Variants in LRRC4C observed in about 807,000 individuals in gnomAD.
LRRC4C encodes the protein leucine-rich repeat-containing protein 4C.
A neutral mutation model predicts 33.6 loss-of-function variants in LRRC4C; 5 were observed. The observed-to-expected ratio is 0.15, with a 90% CI of 0.08 to 0.31. The LOEUF (loss-of-function observed/expected upper bound fraction) is 0.31, where lower values mean the gene tolerates loss of function less well. Ranked by LOEUF, LRRC4C falls within the 10% of genes least tolerant of loss-of-function variation. The pLI, the probability that LRRC4C is intolerant of heterozygous loss-of-function variation, is 1.00. For missense variants in LRRC4C, 560 were observed against 796.7 expected (o/e 0.70, Z 3.58); for synonymous variants, 329 against 302.0 (o/e 1.09, Z -0.93).
chr11:40,272,773 T>C (rs1942804758), intron 4 of LRRC4C, among the ~76,000 whole-genome samples: 2 of 152,096 alleles, frequency 1.3e-5, no homozygotes, highest in Non-Finnish European at 2.9e-5. Flanking sequence ...GCATGTCTTA[T>C]TATAAAAGCA....
intron 1 of LRRC4C, among the ~76,000 whole-genome samples, chr11:41,295,668 T>C (rs1199576031): frequency 1.3e-5 from 2 of 152,172 alleles, no homozygotes; most frequent in African/African-American, 2.4e-5. Context: ...CTTCATGACT[T>C]TCAAGCCTTC....
At chr11:40,499,590 T>A (rs1273735087) in intron 3 of LRRC4C, among the ~76,000 whole-genome samples, 1 of 152,212 alleles carries the variant, frequency 6.6e-6, no homozygotes, top group Non-Finnish European at 1.5e-5. Context: ...AAAAATGTTC[T>A]CAATATCTAA....
chr11:40,885,518 C>T lies in LRRC4C; in HGVS notation c.-407+48117G>A, dbSNP rs76770329. Among the ~76,000 whole-genome samples, 527 of 152,128 alleles carry T rather than the reference C, an allele frequency of 3.5e-3. 2 individuals are homozygous for T. Among genetic ancestry groups the T allele is most frequent in the Admixed American group, 6.0e-3 (92 of 15,258 alleles). On this transcript the variant is annotated intron_variant, in intron 2 of 6. Transcript: ENST00000528697. ...ATAGTTCATCCATTTTCATCCTCTG[C>T]TATATAAGCTCTGTAATGATTTGAG...
intron 1 of LRRC4C, among the ~76,000 whole-genome samples, chr11:41,402,019 A>G (rs185454825): frequency 2.0e-5 from 3 of 152,148 alleles, no homozygotes; most frequent in Admixed American, 6.6e-5. Flanking sequence ...TGGAATAGGT[A>G]CCACATTAAA....
chr11:41,114,251 T>C (rs1449071774), intron 1 of LRRC4C, among the ~76,000 whole-genome samples: 2 of 152,076 alleles, frequency 1.3e-5, no homozygotes, highest in African/African-American at 4.8e-5. Context: ...TTTTTAAAAA[T>C]CTGTTATTTA....
At chr11:40,509,675 A>T (rs1428204721) in intron 3 of LRRC4C, among the ~76,000 whole-genome samples, 1 of 152,110 alleles carries the variant, frequency 6.6e-6, no homozygotes, top group East Asian at 1.9e-4. Context: ...AATTTTGCGT[A>T]GCATTTTTTA....
chr11:41,118,783 G>A (rs1942271918), intron 1 of LRRC4C, among the ~76,000 whole-genome samples: 1 of 152,086 alleles, frequency 6.6e-6, no homozygotes, highest in Non-Finnish European at 1.5e-5. Flanking sequence ...TAGTTTGAGT[G>A]TTGTTAGACA....
At position 40,611,770 on chromosome 11, in the gene LRRC4C, G is replaced by A. The variant is rs561380073; in HGVS notation, c.-270+36372C>T. On this transcript the variant is annotated intron_variant, in intron 3 of 6. Coordinates refer to ENST00000528697, the MANE Select transcript of LRRC4C (RefSeq NM_001258419.2). ...CCAACTGGTGTGTGAATAGATGCTC[G>A]ACATCATTAATCATCAGAAACATGA... Among the ~76,000 whole-genome samples, 38 of 151,828 alleles carry A rather than the reference G, an allele frequency of 2.5e-4. 1 individual carries two copies. In the South Asian group the frequency reaches 5.0e-3, roughly 20 times the overall value.
chr11:40,606,318 C>T (rs553136123), intron 3 of LRRC4C, among the ~76,000 whole-genome samples: 3 of 152,216 alleles, frequency 2.0e-5, no homozygotes, highest in Admixed American at 6.5e-5. Flanking sequence ...ATGAAGAAAC[C>T]AGCTAATCTC....
At chr11:40,803,738 G>A (rs558527360) in intron 2 of LRRC4C, among the ~76,000 whole-genome samples, 8 of 152,220 alleles carry the variant, frequency 5.3e-5, no homozygotes, top group Admixed American at 4.6e-4. Context: ...CTCCCAAAGT[G>A]CTGGGATTAC....
chr11:41,365,983 T>G (rs1341990442), intron 1 of LRRC4C, among the ~76,000 whole-genome samples: 1 of 152,184 alleles, frequency 6.6e-6, no homozygotes, highest in African/African-American at 2.4e-5. Context: ...GGAGTAGGAT[T>G]CAGTGAGACA....
intron 3 of LRRC4C, among the ~76,000 whole-genome samples, chr11:40,364,712 A>G (rs1208435764): frequency 6.6e-6 from 1 of 152,078 alleles, no homozygotes; most frequent in African/African-American, 2.4e-5. Context: ...AAGAAGCTCA[A>G]TAAACCCAGA....
At chr11:41,063,155 T>A (rs569647917) in intron 1 of LRRC4C, among the ~76,000 whole-genome samples, 1 of 152,330 alleles carries the variant, frequency 6.6e-6, no homozygotes, top group East Asian at 1.9e-4. Flanking sequence ...GCATCTGTAC[T>A]GTGTGTCAGA....
chr11:40,395,387 G>A (rs1247967746), intron 3 of LRRC4C, among the ~76,000 whole-genome samples: 1 of 152,090 alleles, frequency 6.6e-6, no homozygotes, highest in African/African-American at 2.4e-5. Context: ...CTTCTGGGTG[G>A]CATGCCCTAA....
chr11:41,193,270 A>G (rs905078854), intron 1 of LRRC4C, among the ~76,000 whole-genome samples: 2 of 152,140 alleles, frequency 1.3e-5, no homozygotes, highest in African/African-American at 2.4e-5. Flanking sequence ...TTTCTTGATA[A>G]TGCCCAAGAC....
rs577291056 is a variant in LRRC4C, at chr11:40,318,608, T to C, written c.-176+1020A>G. On this transcript the variant is annotated intron_variant, in intron 4 of 6. Coordinates refer to ENST00000528697, the MANE Select transcript of LRRC4C (RefSeq NM_001258419.2). ...ATTTCCTTGGTTTTGTTTTTACCAA[T>C]AAATAAATCCATGTACACGGGTTGT... 1.1e-4 allele frequency among the ~76,000 whole-genome samples: 17 copies of C among 152,284 alleles called. No individual in the cohort carries two copies. In the East Asian group the frequency reaches 3.3e-3, roughly 29 times the overall value.
intron 5 of LRRC4C, among the ~76,000 whole-genome samples, chr11:40,177,346 A>G (rs1860593187): frequency 6.6e-6 from 1 of 152,130 alleles, no homozygotes; most frequent in Non-Finnish European, 1.5e-5. Flanking sequence ...CCACTTACTT[A>G]AGGTAAAAGC....
chr11:40,596,437 T>C (rs1219656742), intron 3 of LRRC4C, among the ~76,000 whole-genome samples: 1 of 151,304 alleles, frequency 6.6e-6, no homozygotes, highest in African/African-American at 2.4e-5. Context: ...ACATTTGTCA[T>C]TTCTTTTTTT....
chr11:41,094,455 C>T (rs1169796626), intron 1 of LRRC4C, among the ~76,000 whole-genome samples: 7 of 151,402 alleles, frequency 4.6e-5, no homozygotes, highest in Admixed American at 6.6e-5. Context: ...ACCCAGGAGG[C>T]GGAGCTTACA....
Sources: gnomAD v4.1 joint callset for allele counts (sites outside exome capture counted in the v4.1 genomes callset) on GRCh38, gnomAD v4.1.1 for gene constraint, MANE v1.5 for transcripts, NCBI Gene and HGNC (gene_info 2026-07-23, HGNC 2026-07-21) for gene names.